EIF2D: variants seen among roughly 807,000 people sequenced by gnomAD.
EIF2D encodes eukaryotic translation initiation factor 2D.
EIF2D carries 56 observed loss-of-function variants against 77.4 expected under a neutral mutation model. The ratio of observed to expected loss-of-function variants is 0.72; its 90% CI spans 0.58 to 0.90. The LOEUF (loss-of-function observed/expected upper bound fraction) is 0.90, where lower values mean the gene tolerates loss of function less well. EIF2D is among the 40% of genes least tolerant of loss of function. EIF2D has a pLI of 0.00. For missense variants in EIF2D, 574 were observed against 706.5 expected (o/e 0.81, Z 2.13); for synonymous variants, 230 against 271.0 (o/e 0.85, Z 1.49).
At chr1:206,595,927 C>G (rs1480019752) in intron 12 of EIF2D, 89 bp from the exon 13 acceptor site, 1 of 1,550,458 alleles carries the variant, frequency 6.4e-7, no homozygotes, top group Non-Finnish European at 8.7e-7. Context: ...TAGGTGTAGG[C>G]TGAAATTGCA....
rs1231730729 is a variant in EIF2D, at chr1:206,602,346, AC to A, written c.891del (p.Met297IlefsTer13). The A allele has an allele frequency of 5.6e-6, 9 of 1,614,010 alleles. No homozygotes were observed. Among genetic ancestry groups the A allele is most frequent in the African/African-American group, 1.3e-5 (1 of 74,948 alleles). On this transcript the variant is annotated frameshift_variant, in exon 7 of 15. Coordinates refer to ENST00000271764, the MANE Select transcript of EIF2D (RefSeq NM_006893.3). LOFTEE classifies it high-confidence loss of function. ...CAGTGCTTTCCATACCAGCAGGAGA[AC>A]ATGTGGCTGCCAAGGAAAGTGCTGG... ...LLTSTFLGSHMFSCCPEGRQL... is the reference protein window; with the variant it reads ...LLTSTFLGSHXFSCCPEGRQL...
At chr1:206,587,021 GTAT>G, downstream of EIF2D, 10 of 1,609,446 alleles carry the variant, frequency 6.2e-6, no homozygotes, top group Non-Finnish European at 8.5e-6. Context: ...AGATTTATTT[GTAT>G]TATTAATTAT....
At chr1:206,605,539 T>C (rs1321606714) in intron 4 of EIF2D, 32 bp from the exon 5 acceptor site, 3 of 1,583,056 alleles carry the variant, frequency 1.9e-6, no homozygotes, top group African/African-American at 2.7e-5. Flanking sequence ...ACCAGGGTCA[T>C]GGAAAATCTA....
chr1:206,595,687 A>G (rs1553409874), intron 13 of EIF2D, 31 bp downstream of exon 13: 2 of 1,606,862 alleles, frequency 1.2e-6, no homozygotes, highest in Non-Finnish European at 1.7e-6. Context: ...TTAAATCACT[A>G]TCCTTGAACA....
At chr1:206,600,503 A>C (rs1399443354) in intron 7 of EIF2D, 195 bp from the exon 8 acceptor site, 2 of 536,234 alleles carry the variant, frequency 3.7e-6, no homozygotes, top group African/African-American at 3.8e-5. Context: ...AGTGCTGTTC[A>C]AGAGAACTTT....
At chr1:206,578,765 G>A (rs1553405668) in intron 4 of EIF2D, among the ~76,000 whole-genome samples, 1 of 152,004 alleles carries the variant, frequency 6.6e-6, no homozygotes, top group African/African-American at 2.4e-5. Flanking sequence ...GGGTGCCCTG[G>A]GCCCACCTGG....
chr1:206,583,607 G>C (rs1668982702), intron 2 of EIF2D: 2 of 515,530 alleles, frequency 3.9e-6, no homozygotes, highest in African/African-American at 1.9e-5. Context: ...GTGATTTTGG[G>C]AAGCTCTTTT....
At chr1:206,595,900 C>T (rs1669623838) in intron 12 of EIF2D, 62 bp from the exon 13 acceptor site, 43 of 1,591,310 alleles carry the variant, frequency 2.7e-5, no homozygotes, top group Middle Eastern at 1.7e-4. Context: ...CCTCATACCC[C>T]ACTACCAGCA....
At position 206,602,403 on chromosome 1, in the gene EIF2D, G is replaced by A. The variant is rs781792031; in HGVS notation, c.835C>T (p.Arg279Ter). ...AAAGGGAGGTCAGCCTTTTTGACTC[G>A]GCACTTCAAGGCATGTAAGAAGCAT... The part of the protein sequence containing the change: ...QQCFLHALKC[R>*]VKKADLPLLT... Residue 279 changes from arginine to a stop codon, truncating the protein, a stop_gained, in exon 7 of 15, where the codon CGA becomes TGA. Coordinates refer to ENST00000271764, the MANE Select transcript of EIF2D (RefSeq NM_006893.3). LOFTEE classifies it high-confidence loss of function. 2.5e-6 allele frequency: 4 copies of A among 1,614,160 alleles called. No homozygotes were observed. Among genetic ancestry groups the A allele is most frequent in the Admixed American group, 1.7e-5 (1 of 60,022 alleles).
intron 5 of EIF2D, among the ~76,000 whole-genome samples, chr1:206,604,206 G>A (rs892902692): frequency 6.6e-6 from 1 of 152,208 alleles, no homozygotes; most frequent in Non-Finnish European, 1.5e-5. Flanking sequence ...ACTTTGGGAG[G>A]CCTAGATGGG....
chr1:206,578,233 A>AGTGTGTGTGTGT (rs58059864), intron 4 of EIF2D, among the ~76,000 whole-genome samples: 52 of 117,580 alleles, frequency 4.4e-4, no homozygotes, highest in East Asian at 2.0e-3. Context: ...AAAAAAAAAA[A>AGTGTGTGTGTGT]GTGTGTGTGT....
chr1:206,574,306 C>A (rs542297858), intron 4 of EIF2D, among the ~76,000 whole-genome samples: 1 of 152,190 alleles, frequency 6.6e-6, no homozygotes, highest in Non-Finnish European at 1.5e-5. Flanking sequence ...TGTGCCACAG[C>A]GCATCCATCT....
chr1:206,594,186 C>T (rs1669525904), intron 13 of EIF2D: 1 of 153,954 alleles, frequency 6.5e-6, no homozygotes, highest in African/African-American at 2.4e-5. Context: ...CTACTCCCCA[C>T]TCCTCTATTA....
intron 13 of EIF2D, chr1:206,594,238 T>C (rs1669527844): frequency 6.6e-6 from 1 of 152,442 alleles, no homozygotes; most frequent in Admixed American, 6.5e-5. Context: ...ATTTCATCTA[T>C]AAATATTTCA....
rs1669013477 is a variant in EIF2D at position 206,584,280 on chromosome 1, G to T, written c.139-3118C>A. 3 of 1,101,782 alleles carry T rather than the reference G, an allele frequency of 2.7e-6. No homozygotes were observed. The highest frequency in any genetic ancestry group is 1.6e-5 in the South Asian group (1 of 63,198). The allele number at this position is 1,101,782 out of a possible 1,614,324, so 68.3% of individuals were successfully genotyped here. ...CTCCCACGTCAGCAGAGGCAGGAAA[G>T]AACTCAAGGAGACAGGTGGGTGCTG... On this transcript the variant is annotated intron_variant and NMD_transcript_variant, in intron 2 of 5. Transcript: ENST00000472709. This position sits in a 1 kb window ranked among gnomAD's most constrained non-coding sequence, Gnocchi z 4.9.
At chr1:206,572,373 G>A (rs1668480637) in intron 5 of EIF2D, among the ~76,000 whole-genome samples, 1 of 152,268 alleles carries the variant, frequency 6.6e-6, no homozygotes, top group African/African-American at 2.4e-5. Context: ...GAGTGGCTGT[G>A]GATATCAGAA....
Position 206,592,146 on chromosome 1 carries a change from T to C in EIF2D, c.1685-301A>G, listed in dbSNP as rs77556912. 7.1e-3 allele frequency among the ~76,000 whole-genome samples: 1,075 copies of C among 152,384 alleles called. 9 individuals carry two copies. The highest frequency in any genetic ancestry group is 0.024 in the African/African-American group (1,019 of 41,592). On this transcript the variant is annotated intron_variant, in intron 14 of 14. Coordinates refer to ENST00000271764, the MANE Select transcript of EIF2D (RefSeq NM_006893.3). The surrounding 1 kb of genome is among the most constrained non-coding windows in gnomAD (Gnocchi z 4.7). ...CTTCTCAGTACCTTGTATGGGGTTC[T>C]TCACATAAAGAGGCTCAACTCTAGA...
At chr1:206,591,390 A>T (rs540780906), downstream of EIF2D, among the ~76,000 whole-genome samples, 16 of 152,350 alleles carry the variant, frequency 1.1e-4, 1 homozygote, top group African/African-American at 3.8e-4. Context: ...AGAGATGTGA[A>T]GGAACTATTT....
chr1:206,577,587 A>G (rs1668700794), intron 4 of EIF2D, among the ~76,000 whole-genome samples: 1 of 152,132 alleles, frequency 6.6e-6, no homozygotes. Flanking sequence ...CCCAACACAC[A>G]CTTGTGTTCA....
Sources: allele counts gnomAD v4.1 joint callset (sites outside exome capture counted in the v4.1 genomes callset), GRCh38; gene constraint gnomAD v4.1.1; non-coding constraint Gnocchi (gnomAD v3.1); transcripts MANE v1.5; gene names NCBI Gene and HGNC (gene_info 2026-07-23, HGNC 2026-07-21).